Variants in IMPA2 observed in about 807,000 individuals in gnomAD.
IMPA2 encodes IMP 2.
A neutral mutation model predicts 35.1 loss-of-function variants in IMPA2; 32 were observed. The ratio of observed to expected loss-of-function variants is 0.91; its 90% confidence interval spans 0.69 to 1.23. The LOEUF (loss-of-function observed/expected upper bound fraction) is 1.23, where lower values mean the gene tolerates loss of function less well. IMPA2 is among the 50% of genes most tolerant of loss of function. The pLI is 0.00. For missense variants in IMPA2, 334 were observed against 387.6 expected, an observed-to-expected ratio of 0.86 and a Z score of 1.16; for synonymous variants, 135 against 160.6, an observed-to-expected ratio of 0.84 and a Z score of 1.20.
intron 6 of IMPA2, 171 bp downstream of exon 6, chr18:12,028,322 A>C: frequency 1.7e-6 from 1 of 599,236 alleles, no homozygotes. Context: ...TGCAGTAGAT[A>C]CTCCTATAGC....
intron 5 of IMPA2, among the ~76,000 whole-genome samples, chr18:12,014,721 G>A (rs931120586): frequency 6.6e-6 from 1 of 152,154 alleles, no homozygotes; most frequent in African/African-American, 2.4e-5. Flanking sequence ...GCACACCTCG[G>A]TGGTCCCGAT....
In IMPA2 at chr18:11,991,595, C is replaced by T. The variant is rs1001125774; in HGVS notation, c.97-7459C>T. On this transcript the variant is annotated intron_variant, in intron 1 of 7. Transcript: ENST00000269159. This position sits in a 1 kb window ranked among gnomAD's most constrained non-coding sequence, Gnocchi z 4.1. ...GCAGGAGGTGGGTGGGTCCAGTCTG[C>T]AGGGTGGGCTGGCAGCTGGAGACGC... Among the ~76,000 whole-genome samples, 3 of 151,922 alleles carry T rather than the reference C, an allele frequency of 2.0e-5. No homozygotes were observed. The highest frequency in any genetic ancestry group is 4.4e-5 in the Non-Finnish European group (3 of 67,988).
At chr18:12,000,541 C>A (rs1907087118) in intron 2 of IMPA2, among the ~76,000 whole-genome samples, 1 of 151,386 alleles carries the variant, frequency 6.6e-6, no homozygotes, top group Non-Finnish European at 1.5e-5. Context: ...CTCTAACTTC[C>A]TATTTCCCTA....
intron 5 of IMPA2, among the ~76,000 whole-genome samples, chr18:12,015,848 C>T (rs1245399169): frequency 2.6e-5 from 4 of 152,310 alleles, no homozygotes; most frequent in Non-Finnish European, 4.4e-5. Flanking sequence ...GTGAACTTTG[C>T]TCTATATTTC....
intron 2 of IMPA2, among the ~76,000 whole-genome samples, chr18:12,000,874 C>G (rs1907098195): frequency 6.6e-6 from 1 of 151,242 alleles, no homozygotes; most frequent in African/African-American, 2.4e-5. Context: ...CTCGGCCTCC[C>G]AAAGTGCTGG....
intron 2 of IMPA2, among the ~76,000 whole-genome samples, chr18:12,007,866 G>A (rs928209224): frequency 4.0e-5 from 6 of 150,758 alleles, no homozygotes; most frequent in South Asian, 2.1e-4. Context: ...CATCCCTCCC[G>A]TCCTGGGTTC....
Position 12,028,168 on chromosome 18 carries a change from G to A in IMPA2, c.599+17G>A, listed in dbSNP as rs79929333. 2.0e-3 allele frequency: 3,031 copies of A among 1,508,458 alleles called. 44 individuals are homozygous for A. The African/African-American group carries it at 0.033, about 16-fold the overall frequency. The allele number at this position is 1,508,458 out of a possible 1,614,324, so 93.4% of individuals were successfully genotyped here. On this transcript the variant is annotated intron_variant, in intron 6 of 7. Transcript: ENST00000269159. ...GGCGCATGGGTAGGAGGTTCAGTTC[G>A]GGGAACACCCTGCAGCCCGAGGAGG...
At chr18:11,984,869 G>A (rs1182952058) in intron 1 of IMPA2, among the ~76,000 whole-genome samples, 1 of 151,810 alleles carries the variant, frequency 6.6e-6, no homozygotes, top group Non-Finnish European at 1.5e-5. Context: ...TCAGGAGGCT[G>A]AGGCAGGAGA....
chr18:12,022,309 A>G (rs1429324270), intron 5 of IMPA2, among the ~76,000 whole-genome samples: 1 of 151,966 alleles, frequency 6.6e-6, no homozygotes, highest in East Asian at 1.9e-4. Flanking sequence ...AGGTGGGTGG[A>G]TCAGTTGAGG....
At chr18:12,029,606 A>G (rs1277335311) in intron 7 of IMPA2, among the ~76,000 whole-genome samples, 1 of 151,584 alleles carries the variant, frequency 6.6e-6, no homozygotes, top group Non-Finnish European at 1.5e-5. Flanking sequence ...TTTTTAGTAG[A>G]GATGGGGTTT....
chr18:11,990,603 G>C (rs1287017141), intron 1 of IMPA2, among the ~76,000 whole-genome samples: 1 of 152,182 alleles, frequency 6.6e-6, no homozygotes, highest in African/African-American at 2.4e-5. Flanking sequence ...GTGGCCCTTG[G>C]GGGCTGTGAG....
At chr18:11,984,886 T>G (rs1232686543) in intron 1 of IMPA2, among the ~76,000 whole-genome samples, 1 of 146,494 alleles carries the variant, frequency 6.8e-6, no homozygotes, top group African/African-American at 2.5e-5. Flanking sequence ...GAGAATGGCG[T>G]GAACCCGGGA....
intron 1 of IMPA2, among the ~76,000 whole-genome samples, chr18:11,984,967 CAAAAA>C (rs34748642): frequency 4.6e-5 from 4 of 87,768 alleles, no homozygotes; most frequent in Non-Finnish European, 9.6e-5. Context: ...GACTCCGTCT[CAAAAA>C]AAAAAAAAAA....
intron 1 of IMPA2, among the ~76,000 whole-genome samples, chr18:11,988,656 G>A (rs1906730219): frequency 6.6e-6 from 1 of 152,158 alleles, no homozygotes; most frequent in Admixed American, 6.6e-5. Context: ...CTCTGAGTTG[G>A]ATGTGGGGTG....
At chr18:12,002,883 A>G (rs1479733585) in intron 2 of IMPA2, among the ~76,000 whole-genome samples, 1 of 152,002 alleles carries the variant, frequency 6.6e-6, no homozygotes, top group East Asian at 1.9e-4. Context: ...ACAGAGTGAG[A>G]CCCTGCCTCA....
At position 11,984,323 on chromosome 18, in the gene IMPA2, G is replaced by A. The variant is rs753451523; in HGVS notation, c.96+2558G>A. ...TCCTAGTTCCAGCCACCCACACTGTGACGGGAGCCTCCTCCCTGGCTGTTG... is the reference window on the plus strand; with the variant it reads ...TCCTAGTTCCAGCCACCCACACTGTAACGGGAGCCTCCTCCCTGGCTGTTG... On this transcript the variant is annotated intron_variant, in intron 1 of 7. Transcript: ENST00000269159. Among the ~76,000 whole-genome samples, 15 of 152,330 alleles carry A rather than the reference G, an allele frequency of 9.8e-5. No individual in the cohort carries two copies. In the South Asian group the frequency reaches 2.3e-3, roughly 23 times the overall value.
Position 11,981,775 on chromosome 18 carries a change from A to G in IMPA2, c.96+10A>G. 8.2e-7 allele frequency: 1 copy of G among 1,219,958 alleles called. No homozygotes were observed. Among genetic ancestry groups the G allele is most frequent in the African/African-American group, 1.6e-5 (1 of 63,916 alleles). 75.6% of individuals were successfully genotyped at this position (1,219,958 alleles called of 1,614,324 possible). On this transcript the variant is annotated intron_variant, in intron 1 of 7. Transcript: ENST00000269159. ...GCTGCGGGCAGGACAGGTGAGCGCC[A>G]CGGCTGGGCTCGGAAGTCCGGGCGG...
chr18:12,029,100 G>C, intron 7 of IMPA2, 107 bp downstream of exon 7: 72 of 482,216 alleles, frequency 1.5e-4, no homozygotes, highest in Non-Finnish European at 2.1e-4. Flanking sequence ...ACCTTCCCCA[G>C]AGTTTCTGTT....
At chr18:12,017,828 G>C in intron 5 of IMPA2, 1 of 340,970 alleles carries the variant, frequency 2.9e-6, no homozygotes, top group Non-Finnish European at 5.7e-6. Flanking sequence ...CTGACCTCAA[G>C]TGAGCCTTTT....
Sources: allele counts gnomAD v4.1 joint callset (sites outside exome capture counted in the v4.1 genomes callset), GRCh38; gene constraint gnomAD v4.1.1; non-coding constraint Gnocchi (gnomAD v3.1); transcripts MANE v1.5; gene names NCBI Gene and HGNC (gene_info 2026-07-23, HGNC 2026-07-21).